The following GULP1 variants were observed in gnomAD, a reference collection of about 807,000 sequenced individuals.
The protein encoded by GULP1 is GULP PTB domain containing engulfment adaptor 1, also known as PTB domain-containing engulfment adapter protein 1.
Under a neutral mutation model 40.9 loss-of-function variants are expected in GULP1, and 19 were observed. The observed-to-expected ratio is 0.46, with a 90% confidence interval of 0.32 to 0.68. GULP1 has a LOEUF of 0.68. Ranked by LOEUF, GULP1 falls within the 30% of genes least tolerant of loss-of-function variation. The probability of loss-of-function intolerance (pLI) is 0.03; values close to 1 mark genes in which losing one functional copy is unlikely to be tolerated. For synonymous variants in GULP1, 119 were observed against 117.6 expected, an observed-to-expected ratio of 1.01 and a Z score of -0.08; for missense variants, 312 against 362.2, an observed-to-expected ratio of 0.86 and a Z score of 1.12.
At chr2:188,353,353 A>G (rs2044772241) in intron 1 of GULP1, among the ~76,000 whole-genome samples, 1 of 152,130 alleles carries the variant, frequency 6.6e-6, no homozygotes, top group Admixed American at 6.5e-5. Context: ...TTACGACTGA[A>G]CAAAATGAGA....
At chr2:188,584,033 T>G (rs539650452) in intron 9 of GULP1, among the ~76,000 whole-genome samples, 1 of 152,338 alleles carries the variant, frequency 6.6e-6, no homozygotes, top group East Asian at 1.9e-4. Context: ...CCATCATCTT[T>G]GAGAGCATTT....
intron 6 of GULP1, among the ~76,000 whole-genome samples, chr2:188,540,709 GA>G (rs1297639541): frequency 6.6e-6 from 1 of 152,082 alleles, no homozygotes; most frequent in African/African-American, 2.4e-5. Context: ...TGTTTCACAT[GA>G]AATCGTATCC....
chr2:188,451,719 A>C (rs1377106935), intron 2 of GULP1, among the ~76,000 whole-genome samples: 4 of 152,034 alleles, frequency 2.6e-5, no homozygotes, highest in African/African-American at 9.7e-5. Flanking sequence ...AAATTCTCTT[A>C]TCTCTCTTTA....
chr2:188,336,159 G>GGGAAA (rs1239244388), intron 1 of GULP1, among the ~76,000 whole-genome samples: 1 of 152,078 alleles, frequency 6.6e-6, no homozygotes, highest in East Asian at 1.9e-4. Context: ...ATTATAAAAC[G>GGGAAA]CATGTTTTTT....
intron 1 of GULP1, chr2:188,297,563 A>G (rs2035241662): frequency 2.3e-6 from 1 of 430,100 alleles, no homozygotes; most frequent in Non-Finnish European, 4.7e-6. Flanking sequence ...AAAGTTTAAG[A>G]TCCTTGAAGT....
chr2:188,511,545 G>A (rs1421976347), intron 4 of GULP1, among the ~76,000 whole-genome samples: 1 of 152,082 alleles, frequency 6.6e-6, no homozygotes, highest in Non-Finnish European at 1.5e-5. Context: ...GAGTGTGGGA[G>A]GGACTCCACA....
At chr2:188,532,295 C>A (rs183886242) in intron 6 of GULP1, among the ~76,000 whole-genome samples, 1 of 152,172 alleles carries the variant, frequency 6.6e-6, no homozygotes, top group Admixed American at 6.5e-5. Flanking sequence ...AATACAAACA[C>A]AATTAAATGC....
rs546023631 is a variant in GULP1 at position 188,354,983 on chromosome 2, G to A, written c.-171-28780G>A. ...AGGAAATTAAGAAGGGCATTAAAATGTTTCTGGAAACAAATGAAAATGAAC... is the reference window on the plus strand; with the variant it reads ...AGGAAATTAAGAAGGGCATTAAAATATTTCTGGAAACAAATGAAAATGAAC... On this transcript the variant is annotated intron_variant, in intron 1 of 11. Coordinates refer to ENST00000409830, the MANE Select transcript of GULP1 (RefSeq NM_016315.4). Among the ~76,000 whole-genome samples the A allele has an allele frequency of 3.4e-5, 5 of 148,734 alleles. No homozygotes were observed. The South Asian group carries it at 1.0e-3, about 31-fold the overall frequency.
chr2:188,339,958 T>A (rs1031594585), intron 1 of GULP1, among the ~76,000 whole-genome samples: 15 of 152,204 alleles, frequency 9.9e-5, no homozygotes, highest in African/African-American at 3.6e-4. Context: ...ACTGTTCACT[T>A]GTTGAGTATT....
At chr2:188,330,215 A>C (rs1249493448) in intron 1 of GULP1, among the ~76,000 whole-genome samples, 1 of 152,200 alleles carries the variant, frequency 6.6e-6, no homozygotes, top group Non-Finnish European at 1.5e-5. Context: ...TCTTAAGATT[A>C]GGTAAGTATT....
chr2:188,414,033 A>T (rs1037352676), intron 2 of GULP1, among the ~76,000 whole-genome samples: 3 of 152,076 alleles, frequency 2.0e-5, no homozygotes, highest in East Asian at 1.9e-4. Context: ...CCGGACCAAC[A>T]TGGTGAAACC....
intron 6 of GULP1, among the ~76,000 whole-genome samples, chr2:188,532,196 C>T (rs1687721769): frequency 6.6e-6 from 1 of 151,916 alleles, no homozygotes; most frequent in Non-Finnish European, 1.5e-5. Flanking sequence ...GTTCATATAC[C>T]ATAATTTACC....
chr2:188,474,460 C>A (rs1050087672), intron 2 of GULP1, among the ~76,000 whole-genome samples: 8 of 152,130 alleles, frequency 5.3e-5, no homozygotes, highest in African/African-American at 1.7e-4. Flanking sequence ...TTTAAAAGCT[C>A]CCTCCATGGC....
intron 2 of GULP1, among the ~76,000 whole-genome samples, chr2:188,431,404 G>T (rs1333751217): frequency 1.3e-5 from 2 of 152,042 alleles, no homozygotes; most frequent in African/African-American, 2.4e-5. Flanking sequence ...CTTCTCAAAG[G>T]GTGGACAGTT....
At chr2:188,484,643 A>G (rs542517246) in intron 4 of GULP1, among the ~76,000 whole-genome samples, 1 of 152,188 alleles carries the variant, frequency 6.6e-6, no homozygotes, top group Non-Finnish European at 1.5e-5. Context: ...GGAAAAATTA[A>G]AGAATGTTTA....
chr2:188,324,199 C>T (rs1025877118), intron 1 of GULP1, among the ~76,000 whole-genome samples: 1 of 152,088 alleles, frequency 6.6e-6, no homozygotes, highest in African/African-American at 2.4e-5. Flanking sequence ...TCATGCTACT[C>T]ATGCACAGAG....
At chr2:188,558,279 C>T (rs557272629) in intron 7 of GULP1, among the ~76,000 whole-genome samples, 1 of 152,190 alleles carries the variant, frequency 6.6e-6, no homozygotes, top group South Asian at 2.1e-4. Flanking sequence ...GGCAGTTTCC[C>T]CCATACTATT....
chr2:188,303,117 C>T (rs1298617431), intron 1 of GULP1, among the ~76,000 whole-genome samples: 3 of 152,134 alleles, frequency 2.0e-5, no homozygotes, highest in Non-Finnish European at 4.4e-5. Context: ...GAACCATTAG[C>T]AATTTAATCT....
At chr2:188,390,386 ATGTT>A (rs1478149970) in intron 2 of GULP1, among the ~76,000 whole-genome samples, 1 of 151,964 alleles carries the variant, frequency 6.6e-6, no homozygotes, top group East Asian at 1.9e-4. Context: ...ATTTTTTCAA[ATGTT>A]TGTTGGGTAT....
Sources: gnomAD v4.1 joint callset for allele counts (sites outside exome capture counted in the v4.1 genomes callset) on GRCh38, gnomAD v4.1.1 for gene constraint, MANE v1.5 for transcripts, NCBI Gene and HGNC (gene_info 2026-07-23, HGNC 2026-07-21) for gene names.